Variants in GXYLT1 observed in about 807,000 individuals in gnomAD.
GXYLT1 encodes glycosyltransferase 8 domain containing 3.
Under a neutral mutation model 54.0 loss-of-function variants are expected in GXYLT1, and 29 were observed. The ratio of observed to expected loss-of-function variants is 0.54; its 90% CI spans 0.40 to 0.73. The LOEUF is 0.73. Among genes scored for constraint, GXYLT1 ranks in the 30% least tolerant of loss-of-function variants. The pLI is 0.00. For missense variants in GXYLT1, 490 were observed against 553.4 expected (o/e 0.89, Z 1.15); for synonymous variants, 176 against 204.1 (o/e 0.86, Z 1.17).
Position 42,144,446 on chromosome 12 carries a change from C to A in GXYLT1, c.201G>T (p.Ala67=). Residue 67 remains alanine, a synonymous_variant, in exon 1 of 8, where the codon GCG becomes GCT. Transcript: ENST00000398675. The part of the protein sequence containing the change: ...VRGAGVAGPA[A]HPGVSDRCKD... ...CGTACCTGTCCGACACGCCGGGATG[C>A]GCTGCGGGGCCCGCGACGCCGGCGC... 7.6e-7 allele frequency: 1 copy of A among 1,319,118 alleles called. No homozygotes were observed. 81.7% of individuals were successfully genotyped at this position (1,319,118 alleles called of 1,614,324 possible).
intron 1 of GXYLT1, among the ~76,000 whole-genome samples, chr12:42,133,348 A>G (rs1184952021): frequency 6.6e-6 from 1 of 152,158 alleles, no homozygotes; most frequent in Non-Finnish European, 1.5e-5. Context: ...GGGCTCTGTG[A>G]TTGCTTTGAC....
At chr12:42,130,200 T>C (rs1033360508) in intron 1 of GXYLT1, among the ~76,000 whole-genome samples, 4 of 152,132 alleles carry the variant, frequency 2.6e-5, no homozygotes, top group Non-Finnish European at 5.9e-5. Flanking sequence ...CAAAATCCCT[T>C]TGGGACAAAC....
chr12:42,103,432 T>C (rs1386350754), intron 5 of GXYLT1, among the ~76,000 whole-genome samples: 1 of 152,224 alleles, frequency 6.6e-6, no homozygotes, highest in Non-Finnish European at 1.5e-5. Flanking sequence ...CGTGGATCTG[T>C]ATAAAACAGT....
chr12:42,124,170 G>A (rs2136910379), intron 2 of GXYLT1, among the ~76,000 whole-genome samples: 1 of 151,758 alleles, frequency 6.6e-6, no homozygotes, highest in South Asian at 2.1e-4. Context: ...AAACTGGTAT[G>A]AACTACTCAA....
At chr12:42,129,562 T>C (rs1592124109) in intron 2 of GXYLT1, among the ~76,000 whole-genome samples, 197 bp downstream of exon 2, 1 of 152,042 alleles carries the variant, frequency 6.6e-6, no homozygotes, top group Non-Finnish European at 1.5e-5. Context: ...TCTAAGAAAA[T>C]TTAAAGCATT....
At position 42,109,546 on chromosome 12, in the gene GXYLT1, C is replaced by G. The variant is rs780307420; in HGVS notation, c.612+20G>C. On this transcript the variant is annotated intron_variant, in intron 4 of 7. Coordinates refer to ENST00000398675, the MANE Select transcript of GXYLT1 (RefSeq NM_173601.2). ...TTTAAAAAAAAAAAAAAAAAAAAGA[C>G]ACTAGGGGAAAAAACTTACCGGCAA... 5.7e-6 allele frequency: 7 copies of G among 1,233,028 alleles called. No homozygotes were observed. In the African/African-American group the frequency reaches 8.8e-5, roughly 16 times the overall value. 76.4% of individuals were successfully genotyped at this position (1,233,028 alleles called of 1,614,324 possible).
chr12:42,133,380 A>G (rs910618165), intron 1 of GXYLT1, among the ~76,000 whole-genome samples: 3 of 152,120 alleles, frequency 2.0e-5, no homozygotes, highest in Non-Finnish European at 4.4e-5. Context: ...TGAATATAAT[A>G]CTGTACCAAT....
At chr12:42,123,221 G>A (rs1388881830) in intron 2 of GXYLT1, among the ~76,000 whole-genome samples, 1 of 152,016 alleles carries the variant, frequency 6.6e-6, no homozygotes, top group Non-Finnish European at 1.5e-5. Context: ...TAAGAAAATA[G>A]GAATAGGAAT....
intron 3 of GXYLT1, among the ~76,000 whole-genome samples, chr12:42,118,330 A>G (rs559064000): frequency 6.6e-6 from 1 of 152,360 alleles, no homozygotes; most frequent in African/African-American, 2.4e-5. Flanking sequence ...GAAAGGATAT[A>G]GACAAAATAA....
At chr12:42,111,368 T>G (rs1592111615) in intron 3 of GXYLT1, among the ~76,000 whole-genome samples, 1 of 152,198 alleles carries the variant, frequency 6.6e-6, no homozygotes, top group East Asian at 1.9e-4. Flanking sequence ...GTCAGGGAAT[T>G]CCCTTTCCTA....
In GXYLT1 at chr12:42,138,343, G is replaced by A. The variant is rs2065632851; in HGVS notation, c.221+6083C>T. ...TAATTTCTAGACAACTTAACTTCTA[G>A]CTCTAAGTAAGATCTTCTTTTTCTT... On this transcript the variant is annotated intron_variant, in intron 1 of 7. Transcript: ENST00000398675. Among the ~76,000 whole-genome samples, 4 of 152,152 alleles carry A rather than the reference G, an allele frequency of 2.6e-5. No homozygotes were observed. The South Asian group carries it at 8.3e-4, about 32-fold the overall frequency.
At chr12:42,144,322 G>C (rs2065667843) in intron 1 of GXYLT1, 104 bp downstream of exon 1, 1 of 674,978 alleles carries the variant, frequency 1.5e-6, no homozygotes, top group Admixed American at 4.7e-5. Flanking sequence ...CAGGAGGAAA[G>C]ACGCGGGAGA....
chr12:42,082,559 G>A lies in GXYLT1; in HGVS notation c.*5227C>T, dbSNP rs1051748179. The A allele has an allele frequency of 6.6e-6, 1 of 152,146 alleles. No homozygotes were observed. Among genetic ancestry groups the A allele is most frequent in the Non-Finnish European group, 1.5e-5 (1 of 68,048 alleles). The allele number at this position is 152,146 out of a possible 1,614,324, so 9.4% of individuals were successfully genotyped here. A position where few individuals can be genotyped will look rare whatever the true frequency, so the allele number is the denominator to read the frequency against. ...AATGGTGCAATCTTGGCTCTCTGCA[G>A]CCTCAAACTCTTGCACTCAAGCAAT... is the stretch of plus-strand genomic sequence containing the variant. On this transcript the variant is annotated 3_prime_UTR_variant, in exon 8 of 8. Transcript: ENST00000398675.
chr12:42,106,115 AAAG>A, intron 4 of GXYLT1, 46 bp from the exon 5 acceptor site: 1 of 1,364,650 alleles, frequency 7.3e-7, no homozygotes, highest in South Asian at 1.3e-5. Flanking sequence ...TCTATTTTAA[AAAG>A]AAACATAAAA....
chr12:42,121,992 T>C (rs2065534336), intron 2 of GXYLT1, among the ~76,000 whole-genome samples: 1 of 152,200 alleles, frequency 6.6e-6, no homozygotes. Context: ...TAAAACCTTC[T>C]AAGCAGTTAC....
chr12:42,102,589 CAG>C (rs1443336224), intron 5 of GXYLT1, among the ~76,000 whole-genome samples: 1 of 151,746 alleles, frequency 6.6e-6, no homozygotes, highest in Non-Finnish European at 1.5e-5. Context: ...GTGGAGCAAA[CAG>C]ACAAAAAAAT....
intron 5 of GXYLT1, among the ~76,000 whole-genome samples, chr12:42,102,031 T>C (rs1164882677): frequency 5.3e-5 from 8 of 152,196 alleles, no homozygotes; most frequent in Admixed American, 1.3e-4. Context: ...ACAATTTAGT[T>C]TCATAACATT....
At chr12:42,122,318 G>A (rs535714051) in intron 2 of GXYLT1, among the ~76,000 whole-genome samples, 13 of 152,276 alleles carry the variant, frequency 8.5e-5, no homozygotes, top group African/African-American at 2.4e-4. Flanking sequence ...GGCCGGGCAC[G>A]GTGGCTCACA....
At position 42,119,066 on chromosome 12, in the gene GXYLT1, GA is replaced by G. The variant is rs2065514030; in HGVS notation, c.419del (p.Phe140SerfsTer40). ...TATGGAATTGAAGAGGTTTGATGCT[GA>G]AAATGATAGCTGACTTCAACATGGT... ...TMTMLKSAII[F>X]SIKPLQFHIF... On this transcript the variant is annotated frameshift_variant, in exon 3 of 8. Transcript: ENST00000398675. LOFTEE classifies it high-confidence loss of function. The G allele has an allele frequency of 2.5e-6, 4 of 1,614,100 alleles. No homozygotes were observed. The highest frequency in any genetic ancestry group is 3.4e-6 in the Non-Finnish European group (4 of 1,179,924).
Sources: allele counts gnomAD v4.1 joint callset (sites outside exome capture counted in the v4.1 genomes callset), GRCh38; gene constraint gnomAD v4.1.1; transcripts MANE v1.5; gene names NCBI Gene and HGNC (gene_info 2026-07-23, HGNC 2026-07-21).